Variants in SLC25A26 observed in about 807,000 individuals in gnomAD.
SLC25A26 encodes solute carrier family 25 member 26, also known as mitochondrial S-adenosylmethionine carrier protein.
Under a neutral mutation model 37.8 loss-of-function variants are expected in SLC25A26, and 36 were observed. The ratio of observed to expected loss-of-function variants is 0.95; its 90% CI spans 0.73 to 1.26. The LOEUF is 1.26. Ranked by LOEUF, SLC25A26 falls within the 50% of genes most tolerant of loss-of-function variation. The pLI, the probability that SLC25A26 is intolerant of heterozygous loss-of-function variation, is 0.00. For missense variants in SLC25A26, 390 were observed against 331.1 expected, an observed-to-expected ratio of 1.18 and a Z score of -1.38; for synonymous variants, 129 against 122.5, an observed-to-expected ratio of 1.05 and a Z score of -0.35.
chr3:66,232,241 G>A (rs1285416407), intron 1 of SLC25A26, among the ~76,000 whole-genome samples: 1 of 151,936 alleles, frequency 6.6e-6, no homozygotes, highest in Non-Finnish European at 1.5e-5. Flanking sequence ...TTTTCTAATT[G>A]GGAAAACATT....
rs2070127797 is a variant in SLC25A26, at chr3:66,147,085, TCCCCTCCCCTC to T, written c.-354+13105_-354+13115del. On this transcript the variant is annotated intron_variant, in intron 1 of 10. Coordinates refer to the SLC25A26 transcript ENST00000676754. ...TTCCCTCCCCTTCCCTTCCCTCCCC[TCCCCTCCCCTC>T]CCCTCCCCTCCCCTCCCCTCCCCTC... 4.1e-3 allele frequency among the ~76,000 whole-genome samples: 15 copies of T among 3,626 alleles called. 2 individuals are homozygous for T. The highest frequency in any genetic ancestry group is 9.2e-3 in the Non-Finnish European group (15 of 1,626). 2.4% of individuals were successfully genotyped at this position (3,626 alleles called of 152,430 possible).
chr3:66,231,763 A>ATT (rs377239684), intron 1 of SLC25A26, among the ~76,000 whole-genome samples: 4,899 of 137,718 alleles, frequency 0.036, 269 homozygotes, highest in East Asian at 0.21. Context: ...GGTTTACCTC[A>ATT]TTTTTTTTTT....
intron 1 of SLC25A26, among the ~76,000 whole-genome samples, chr3:66,222,338 G>A (rs1169185023): frequency 2.6e-5 from 4 of 152,168 alleles, no homozygotes; most frequent in East Asian, 1.9e-4. Flanking sequence ...CCGCCACTAC[G>A]CCCAGCTAAT....
intron 1 of SLC25A26, among the ~76,000 whole-genome samples, chr3:66,199,754 C>A (rs1460405153): frequency 6.6e-6 from 1 of 151,832 alleles, no homozygotes; most frequent in Admixed American, 6.6e-5. Flanking sequence ...CCAGCTGCAC[C>A]CTGTCATGAC....
At chr3:66,272,178 G>A (rs2073982736) in intron 5 of SLC25A26, among the ~76,000 whole-genome samples, 2 of 152,046 alleles carry the variant, frequency 1.3e-5, no homozygotes, top group Non-Finnish European at 2.9e-5. Flanking sequence ...AATCCTCACA[G>A]CAGCCCAAAA....
intron 1 of SLC25A26, among the ~76,000 whole-genome samples, chr3:66,215,679 C>G (rs2071350094): frequency 1.3e-5 from 2 of 152,242 alleles, no homozygotes; most frequent in South Asian, 4.1e-4. Flanking sequence ...TCTGTTGATT[C>G]TATCACTTAA....
At chr3:66,252,213 A>T (rs782297152) in intron 3 of SLC25A26, among the ~76,000 whole-genome samples, 1 of 152,272 alleles carries the variant, frequency 6.6e-6, no homozygotes, top group South Asian at 2.1e-4. Context: ...CCTTGTTAAG[A>T]TTAGGGTTCT....
intron 6 of SLC25A26, among the ~76,000 whole-genome samples, chr3:66,348,724 T>C (rs1054556843): frequency 1.3e-5 from 2 of 152,372 alleles, no homozygotes; most frequent in African/African-American, 2.4e-5. Flanking sequence ...GTATTTCTTA[T>C]AAGTGATCTG....
chr3:66,376,806 T>G (rs1384042059), intron 9 of SLC25A26, among the ~76,000 whole-genome samples: 1 of 152,182 alleles, frequency 6.6e-6, no homozygotes, highest in Non-Finnish European at 1.5e-5. Flanking sequence ...TGTCCTATAA[T>G]CCACAGGCAG....
At chr3:66,173,888 T>C (rs1026166913) in intron 1 of SLC25A26, among the ~76,000 whole-genome samples, 1 of 151,956 alleles carries the variant, frequency 6.6e-6, no homozygotes, top group Admixed American at 6.6e-5. Flanking sequence ...CTGTCTCTAC[T>C]AAAAACACAA....
At chr3:66,153,032 G>A (rs1209997305) in intron 1 of SLC25A26, among the ~76,000 whole-genome samples, 1 of 152,214 alleles carries the variant, frequency 6.6e-6, no homozygotes, top group African/African-American at 2.4e-5. Context: ...CTAATGTGTA[G>A]TTAAGGCTAG....
At chr3:66,324,978 A>G (rs532449851) in intron 5 of SLC25A26, among the ~76,000 whole-genome samples, 9 of 152,330 alleles carry the variant, frequency 5.9e-5, no homozygotes, top group Middle Eastern at 3.4e-3. Flanking sequence ...ATTCACAAAT[A>G]AATGTGACTC....
intron 1 of SLC25A26, among the ~76,000 whole-genome samples, chr3:66,201,248 T>A (rs1236294368): frequency 4.0e-5 from 6 of 151,464 alleles, no homozygotes; most frequent in African/African-American, 1.5e-4. Flanking sequence ...ATATAATATG[T>A]AGTTACATAT....
intron 5 of SLC25A26, among the ~76,000 whole-genome samples, chr3:66,290,704 G>A (rs555688851): frequency 6.6e-6 from 1 of 152,156 alleles, no homozygotes; most frequent in Admixed American, 6.5e-5. Context: ...TGTGCTGCTG[G>A]ATTCGGTTTG....
intron 1 of SLC25A26, among the ~76,000 whole-genome samples, chr3:66,176,840 G>A (rs1279657184): frequency 6.6e-6 from 1 of 152,138 alleles, no homozygotes; most frequent in Non-Finnish European, 1.5e-5. Context: ...GGTGAAAGGT[G>A]GTGAGATGAA....
At chr3:66,241,969 A>T (rs1230419843) in intron 2 of SLC25A26, among the ~76,000 whole-genome samples, 1 of 151,724 alleles carries the variant, frequency 6.6e-6, no homozygotes, top group Non-Finnish European at 1.5e-5. Context: ...CCCAGCCCCT[A>T]TTCTTTGCTT....
chr3:66,182,417 G>A (rs2070729399), intron 1 of SLC25A26, among the ~76,000 whole-genome samples: 1 of 152,006 alleles, frequency 6.6e-6, no homozygotes, highest in Non-Finnish European at 1.5e-5. Flanking sequence ...AATTCCCAAT[G>A]AAACGGGAGG....
intron 6 of SLC25A26, among the ~76,000 whole-genome samples, chr3:66,359,302 C>A (rs2076644981): frequency 6.6e-6 from 1 of 152,172 alleles, no homozygotes; most frequent in Non-Finnish European, 1.5e-5. Flanking sequence ...CCCCACCATA[C>A]CTTCATCAAA....
At chr3:66,346,245 A>G in intron 5 of SLC25A26, 119 bp from the exon 6 acceptor site, 4 of 521,638 alleles carry the variant, frequency 7.7e-6, no homozygotes, top group Admixed American at 4.1e-5. Flanking sequence ...ATAACTGTGA[A>G]TTTGTTTGAT....
Sources: gnomAD v4.1 joint callset for allele counts (sites outside exome capture counted in the v4.1 genomes callset) on GRCh38, gnomAD v4.1.1 for gene constraint, MANE v1.5 for transcripts, NCBI Gene and HGNC (gene_info 2026-07-23, HGNC 2026-07-21) for gene names.